Variants in IBTK observed in about 807,000 individuals in gnomAD.
IBTK encodes BTK-binding protein.
A neutral mutation model predicts 154.9 loss-of-function variants in IBTK; 83 were observed. The observed-to-expected ratio is 0.54, with a 90% CI of 0.45 to 0.64. The LOEUF (loss-of-function observed/expected upper bound fraction) is 0.64. Among genes scored for constraint, IBTK ranks in the 30% least tolerant of loss-of-function variants. The pLI, the probability that IBTK is intolerant of heterozygous loss-of-function variation, is 0.00. For missense variants in IBTK, 1,332 were observed against 1,584.6 expected (o/e 0.84, Z 2.71); for synonymous variants, 515 against 536.1 (o/e 0.96, Z 0.54).
chr6:82,187,468 A>G (rs1004920936), intron 25 of IBTK, among the ~76,000 whole-genome samples: 3 of 152,212 alleles, frequency 2.0e-5, no homozygotes, highest in African/African-American at 7.2e-5. Context: ...CTGAAATCCT[A>G]AAGTGTACAG....
chr6:82,220,627 T>A lies in IBTK; in HGVS notation c.1211A>T (p.Gln404Leu). 2 of 1,613,014 alleles carry A rather than the reference T, an allele frequency of 1.2e-6. No homozygotes were observed. The highest frequency in any genetic ancestry group is 8.5e-7 in the Non-Finnish European group (1 of 1,179,664). The change falls in exon 9 of 29, where the codon CAA (glutamine) becomes CTA (leucine). Residue 404 changes from glutamine (Q) to leucine (L), a missense_variant. Gln to Leu is a moderately radical substitution (Grantham distance 113). Around this residue, in one of 3 missense-constraint regions of IBTK, gnomAD observed 1,134 missense variants for 1,274.7 expected, o/e 0.89. Transcript: ENST00000306270. ...DPEHLKENGG[Q>L]KICILAMDGA... Reference sequence around the variant, plus strand: ...ATCCATTGCAAGAATGCAAATTTTTTGACCCCCATTTTCTTTCAAATGTTC... The same window carrying A: ...ATCCATTGCAAGAATGCAAATTTTTAGACCCCCATTTTCTTTCAAATGTTC...
At chr6:82,204,733 G>A in intron 17 of IBTK, 124 bp downstream of exon 17, 1 of 453,402 alleles carries the variant, frequency 2.2e-6, no homozygotes, top group Non-Finnish European at 4.0e-6. Flanking sequence ...ACATATTTTG[G>A]CAGGTTTTCG....
chr6:82,197,101 G>T (rs1025333011), intron 21 of IBTK, among the ~76,000 whole-genome samples: 3 of 152,110 alleles, frequency 2.0e-5, no homozygotes, highest in Non-Finnish European at 4.4e-5. Context: ...TGGTATCCAG[G>T]TTCAAACTTT....
At chr6:82,235,755 C>A (rs1289535900) in intron 2 of IBTK, among the ~76,000 whole-genome samples, 1 of 152,108 alleles carries the variant, frequency 6.6e-6, no homozygotes, top group East Asian at 1.9e-4. Flanking sequence ...TATCTGATAT[C>A]CCTTCAATAT....
intron 26 of IBTK, among the ~76,000 whole-genome samples, chr6:82,177,197 T>TTTGTTG (rs149045065): frequency 6.6e-6 from 1 of 150,768 alleles, no homozygotes; most frequent in African/African-American, 2.4e-5. Context: ...TTCTTTTTGT[T>TTTGTTG]TTGTTGTTGT....
At chr6:82,215,777 T>C (rs1769845909) in intron 11 of IBTK, among the ~76,000 whole-genome samples, 3 of 82,134 alleles carry the variant, frequency 3.7e-5, no homozygotes, top group African/African-American at 1.4e-4. Context: ...CAAGACTCCA[T>C]CTCAAAAAAA....
intron 16 of IBTK, chr6:82,205,873 A>T (rs1769389408): frequency 6.6e-6 from 1 of 152,222 alleles, no homozygotes; most frequent in South Asian, 2.1e-4. Flanking sequence ...AAAAAATAAC[A>T]GAGGAAGAGA....
At chr6:82,180,688 G>C (rs1279967374) in intron 26 of IBTK, among the ~76,000 whole-genome samples, 1 of 152,090 alleles carries the variant, frequency 6.6e-6, no homozygotes, top group Non-Finnish European at 1.5e-5. Context: ...CTAAATCTAA[G>C]TATCTGTAAA....
At chr6:82,224,045 T>C in intron 7 of IBTK, 23 bp downstream of exon 7, 1 of 1,218,270 alleles carries the variant, frequency 8.2e-7, no homozygotes, top group East Asian at 2.3e-5. Flanking sequence ...AATTTCCAGA[T>C]ATTGTCATTA....
chr6:82,239,782 T>C (rs1290814151), intron 2 of IBTK, among the ~76,000 whole-genome samples: 1 of 128,726 alleles, frequency 7.8e-6, no homozygotes, highest in Non-Finnish European at 1.7e-5. Flanking sequence ...TGGTTCTGAA[T>C]GCTGCCCGAT....
At position 82,200,107 on chromosome 6, in the gene IBTK, T is replaced by C. The variant is rs375539537; in HGVS notation, c.3025+34A>G. The stretch of plus-strand genomic sequence containing the variant: ...ATATGTGAATAGAGACATAGAAGAT[T>C]AGAACTGGAAATACATGCTCACTTT... On this transcript the variant is annotated intron_variant, in intron 21 of 28. Coordinates refer to ENST00000306270, the MANE Select transcript of IBTK (RefSeq NM_015525.4). 4.6e-6 allele frequency: 6 copies of C among 1,297,418 alleles called. No individual in the cohort carries two copies. In the Admixed American group the frequency reaches 5.4e-5, roughly 12 times the overall value. The allele number at this position is 1,297,418 out of a possible 1,614,324, so 80.4% of individuals were successfully genotyped here. A position where few individuals can be genotyped will look rare whatever the true frequency, so the allele number is the denominator to read the frequency against.
chr6:82,225,921 T>C (rs1399433803), intron 5 of IBTK, among the ~76,000 whole-genome samples: 1 of 152,162 alleles, frequency 6.6e-6, no homozygotes, highest in Non-Finnish European at 1.5e-5. Flanking sequence ...AAGTGCAAAT[T>C]TGTTTGGTAT....
At position 82,240,723 on chromosome 6, in the gene IBTK, T is replaced by C. The variant is rs1770913146; in HGVS notation, c.-237A>G. 2.1e-6 allele frequency: 1 copy of C among 478,068 alleles called. No individual in the cohort carries two copies. The highest frequency in any genetic ancestry group is 3.6e-6 in the Non-Finnish European group (1 of 274,420). 29.6% of individuals were successfully genotyped at this position (478,068 alleles called of 1,614,324 possible). Reference sequence around the variant, plus strand: ...GTTCATATCAAATACAAGTTCTTCATTTAAAAAAATTCCACAGTTTATAAA... The same window carrying C: ...GTTCATATCAAATACAAGTTCTTCACTTAAAAAAATTCCACAGTTTATAAA... On this transcript the variant is annotated 5_prime_UTR_variant, in exon 2 of 29. The change abolishes an upstream ATG in the 5' untranslated region. Coordinates refer to ENST00000306270, the MANE Select transcript of IBTK (RefSeq NM_015525.4).
chr6:82,232,870 T>C (rs1466088159), intron 3 of IBTK, among the ~76,000 whole-genome samples: 1 of 151,532 alleles, frequency 6.6e-6, no homozygotes, highest in African/African-American at 2.4e-5. Flanking sequence ...GTATAAAAAT[T>C]GGCCGCACGC....
At chr6:82,245,871 A>G (rs1199790196) in intron 1 of IBTK, among the ~76,000 whole-genome samples, 1 of 152,192 alleles carries the variant, frequency 6.6e-6, no homozygotes, top group South Asian at 2.1e-4. Flanking sequence ...AGATAGGGAA[A>G]CTAGAAAGAA....
At chr6:82,220,158 C>T (rs549335160) in intron 9 of IBTK, among the ~76,000 whole-genome samples, 9 of 151,980 alleles carry the variant, frequency 5.9e-5, no homozygotes, top group African/African-American at 1.9e-4. Flanking sequence ...TGCAATGAGC[C>T]GACATCATGA....
At chr6:82,186,070 A>G (rs933233177) in intron 25 of IBTK, among the ~76,000 whole-genome samples, 2 of 152,152 alleles carry the variant, frequency 1.3e-5, no homozygotes, top group African/African-American at 4.8e-5. Flanking sequence ...TGTTACTATT[A>G]TAATTGTTTT....
chr6:82,202,545 T>A lies in IBTK; in HGVS notation c.2712A>T (p.Ala904=), dbSNP rs779598913. 7 of 1,602,464 alleles carry A rather than the reference T, an allele frequency of 4.4e-6. No homozygotes were observed. Among genetic ancestry groups the A allele is most frequent in the Non-Finnish European group, 6.0e-6 (7 of 1,171,994 alleles). The change falls in exon 18 of 29, where the codon GCA becomes GCT. Residue 904 remains alanine, a synonymous_variant. Coordinates refer to ENST00000306270, the MANE Select transcript of IBTK (RefSeq NM_015525.4). ...SCLQFIGLNM[A]ALLEARSLDV... ...TCACCTACCTTGCTTCAAGTAAAGC[T>A]GCCATATTCAATCCTATAAACTGTA...
chr6:82,174,406 G>C lies in IBTK; in HGVS notation c.3726-968C>G, dbSNP rs184013277. Among the ~76,000 whole-genome samples, 21 of 152,212 alleles carry C rather than the reference G, an allele frequency of 1.4e-4. No individual in the cohort carries two copies. In the East Asian group the frequency reaches 3.7e-3, roughly 27 times the overall value. On this transcript the variant is annotated intron_variant, in intron 26 of 28. Transcript: ENST00000306270. ...ACAGAAGAAAAAATACAATATGGAA[G>C]ATTGTATATACTGATGGCTTCACTG...
Sources: allele counts gnomAD v4.1 joint callset (sites outside exome capture counted in the v4.1 genomes callset), GRCh38; gene constraint gnomAD v4.1.1; regional missense constraint gnomAD v4.1.1; transcripts MANE v1.5; gene names NCBI Gene and HGNC (gene_info 2026-07-23, HGNC 2026-07-21).